Variants in NAA25 observed in about 807,000 individuals in gnomAD.
NAA25 encodes the protein N-terminal acetyltransferase B complex subunit NAA25.
In NAA25, 30 loss-of-function variants were observed where a neutral mutation model predicts 132.5. The observed-to-expected ratio is 0.23, with a 90% CI of 0.17 to 0.31. The LOEUF is 0.31. NAA25 is among the 10% of genes least tolerant of loss of function. The pLI is 1.00. For missense variants in NAA25, 771 were observed against 1,150.4 expected (o/e 0.67, Z 4.77); for synonymous variants, 359 against 401.9 (o/e 0.89, Z 1.28).
intron 1 of NAA25, among the ~76,000 whole-genome samples, chr12:112,095,257 GA>G: frequency 6.6e-6 from 1 of 151,886 alleles, no homozygotes; most frequent in Non-Finnish European, 1.5e-5. Flanking sequence ...CTAACACGGT[GA>G]AACCCCATCT....
In NAA25 at chr12:112,051,742, TGAG is replaced by T. The variant is rs1325395435; in HGVS notation, c.1728+1813_1728+1815del. On this transcript the variant is annotated intron_variant, in intron 15 of 23. Coordinates refer to ENST00000261745, the MANE Select transcript of NAA25 (RefSeq NM_024953.4). Reference sequence around the variant, plus strand: ...TAAAACAAAGATACAAAAAAAACTCTGAGGATGACACATCCCCTCAAATTGCTC... The same window carrying T: ...TAAAACAAAGATACAAAAAAAACTCTGATGACACATCCCCTCAAATTGCTC... Among the ~76,000 whole-genome samples the T allele has an allele frequency of 3.3e-5, 5 of 152,206 alleles. No homozygotes were observed. In the East Asian group the frequency reaches 7.7e-4, roughly 23 times the overall value.
intron 4 of NAA25, among the ~76,000 whole-genome samples, chr12:112,087,336 T>C (rs1222001278): frequency 6.6e-6 from 1 of 152,358 alleles, no homozygotes; most frequent in South Asian, 2.1e-4. Flanking sequence ...AAAGTTACTC[T>C]TTCCATAGTT....
chr12:112,094,330 TAGTGAAGATTCAAG>T (rs1178942378), intron 1 of NAA25, among the ~76,000 whole-genome samples: 1 of 152,042 alleles, frequency 6.6e-6, no homozygotes, highest in Non-Finnish European at 1.5e-5. Context: ...ATGTAGTCCT[TAGTGAAGATTCAAG>T]ACTATACATA....
At chr12:112,096,638 T>C (rs905051073) in intron 1 of NAA25, among the ~76,000 whole-genome samples, 1 of 152,198 alleles carries the variant, frequency 6.6e-6, no homozygotes, top group African/African-American at 2.4e-5. Context: ...TAAAAGCACA[T>C]AATCTTGGCC....
At chr12:112,096,983 G>T (rs966930023) in intron 1 of NAA25, among the ~76,000 whole-genome samples, 5 of 152,110 alleles carry the variant, frequency 3.3e-5, no homozygotes, top group African/African-American at 1.2e-4. Flanking sequence ...TGTAGTTGAC[G>T]AGGTTCTGAT....
At chr12:112,078,044 C>T (rs983137096) in intron 7 of NAA25, 144 bp downstream of exon 7, 8 of 598,400 alleles carry the variant, frequency 1.3e-5, no homozygotes, top group Non-Finnish European at 2.3e-5. Flanking sequence ...AAATTTACAA[C>T]ATACAGAAAA....
At chr12:112,032,918 T>C (rs2078168745) in intron 23 of NAA25, among the ~76,000 whole-genome samples, 1 of 152,220 alleles carries the variant, frequency 6.6e-6, no homozygotes, top group South Asian at 2.1e-4. Flanking sequence ...GTAAATTCTA[T>C]TCAAGAAGAT....
At chr12:112,085,950 G>A (rs1202589801) in intron 4 of NAA25, among the ~76,000 whole-genome samples, 2 of 141,266 alleles carry the variant, frequency 1.4e-5, no homozygotes, top group Admixed American at 1.5e-4. Flanking sequence ...CCGGGAGGTG[G>A]AGGTTGCAGT....
intron 10 of NAA25, 46 bp downstream of exon 10, chr12:112,071,849 G>A: frequency 8.2e-7 from 1 of 1,221,242 alleles, no homozygotes; most frequent in Non-Finnish European, 1.1e-6. Context: ...TAGCACTTGG[G>A]TATTAAGGGC....
chr12:112,068,462 T>A (rs773674315), intron 11 of NAA25, among the ~76,000 whole-genome samples: 2 of 151,972 alleles, frequency 1.3e-5, no homozygotes, highest in Non-Finnish European at 2.9e-5. Flanking sequence ...AAAAACTGAG[T>A]AAGTTCAACA....
intron 3 of NAA25, among the ~76,000 whole-genome samples, chr12:112,089,293 TTGAA>T (rs1419943142): frequency 6.6e-6 from 1 of 152,110 alleles, no homozygotes; most frequent in African/African-American, 2.4e-5. Context: ...TCTGAGCTAT[TTGAA>T]TGAATGAAGA....
chr12:112,078,362 T>C (rs373071441), intron 6 of NAA25, 96 bp from the exon 7 acceptor site: 13 of 881,942 alleles, frequency 1.5e-5, no homozygotes, highest in Non-Finnish European at 2.0e-5. Context: ...TAATAGAGCA[T>C]GTCTTCAAAT....
At chr12:112,104,733 G>A (rs2079337477) in intron 1 of NAA25, among the ~76,000 whole-genome samples, 1 of 152,120 alleles carries the variant, frequency 6.6e-6, no homozygotes, top group Admixed American at 6.5e-5. Flanking sequence ...CTGCTCTGGA[G>A]GCTGAGGCAG....
chr12:112,095,635 AGAAAT>A (rs1349190776), intron 1 of NAA25, among the ~76,000 whole-genome samples: 2 of 151,340 alleles, frequency 1.3e-5, no homozygotes, highest in African/African-American at 4.8e-5. Context: ...AAAAAAAACA[AGAAAT>A]GAACTATCAA....
intron 23 of NAA25, among the ~76,000 whole-genome samples, chr12:112,030,159 G>C (rs1375579682): frequency 7.3e-6 from 1 of 136,594 alleles, no homozygotes; most frequent in Non-Finnish European, 1.5e-5. Flanking sequence ...GTAGTAGTGA[G>C]CTGAGATCGT....
intron 1 of NAA25, among the ~76,000 whole-genome samples, chr12:112,105,424 T>C (rs933881606): frequency 3.9e-5 from 6 of 152,132 alleles, no homozygotes; most frequent in African/African-American, 1.4e-4. Context: ...AATAATCAAG[T>C]ATGGGTTCCA....
At chr12:112,069,514 A>C (rs2078771134) in intron 10 of NAA25, among the ~76,000 whole-genome samples, 1 of 151,982 alleles carries the variant, frequency 6.6e-6, no homozygotes, top group Non-Finnish European at 1.5e-5. Flanking sequence ...AAATTAAATT[A>C]AATTAAGTTA....
chr12:112,048,099 T>A (rs2078413521), intron 16 of NAA25, among the ~76,000 whole-genome samples, 193 bp downstream of exon 16: 1 of 152,154 alleles, frequency 6.6e-6, no homozygotes. Flanking sequence ...GCTTCTGTAA[T>A]GGTCTCAAGA....
intron 11 of NAA25, among the ~76,000 whole-genome samples, chr12:112,064,429 C>T (rs2078684266): frequency 6.6e-6 from 1 of 152,090 alleles, no homozygotes; most frequent in African/African-American, 2.4e-5. Flanking sequence ...CGGGGTTTTG[C>T]CATGTTGGCC....
Sources: gnomAD v4.1 joint callset for allele counts (sites outside exome capture counted in the v4.1 genomes callset) on GRCh38, gnomAD v4.1.1 for gene constraint, MANE v1.5 for transcripts, NCBI Gene and HGNC (gene_info 2026-07-23, HGNC 2026-07-21) for gene names.